The following FRK variants were observed in gnomAD, a reference collection of about 807,000 sequenced individuals.
FRK encodes tyrosine-protein kinase FRK.
A neutral mutation model predicts 56.4 loss-of-function variants in FRK; 51 were observed. The ratio of observed to expected loss-of-function variants is 0.90; its 90% CI spans 0.72 to 1.14. FRK has a LOEUF of 1.14. FRK is among the 50% of genes most tolerant of loss of function. The pLI, the probability that FRK is intolerant of heterozygous loss-of-function variation, is 0.00. For missense variants in FRK, 570 were observed against 601.4 expected, an observed-to-expected ratio of 0.95 and a Z score of 0.55; for synonymous variants, 245 against 217.9, an observed-to-expected ratio of 1.12 and a Z score of -1.10.
chr6:115,943,919 C>T (rs1041619796), intron 6 of FRK, among the ~76,000 whole-genome samples: 1 of 152,152 alleles, frequency 6.6e-6, no homozygotes, highest in African/African-American at 2.4e-5. Context: ...TAGGTTAACA[C>T]TGCACAAAGT....
chr6:116,021,111 T>TATAATTTA, intron 1 of FRK, among the ~76,000 whole-genome samples: 1 of 152,092 alleles, frequency 6.6e-6, no homozygotes, highest in Non-Finnish European at 1.5e-5. Context: ...ATAAATGTTT[T>TATAATTTA]AAATGCTGAG....
rs752935785 is a variant in FRK, at chr6:116,038,137, T to G, written c.344+21831A>C. ...AATGGGAGCCAGGTAAGGAAGTAGC[T>G]AGAGGAGGTTTCTGGCCAACATTCA... On this transcript the variant is annotated intron_variant, in intron 1 of 7. Coordinates refer to ENST00000606080, the MANE Select transcript of FRK (RefSeq NM_002031.3). Among the ~76,000 whole-genome samples, 8 of 152,176 alleles carry G rather than the reference T, an allele frequency of 5.3e-5. 1 individual carries two copies. The highest frequency in any genetic ancestry group is 1.3e-4 in the Admixed American group (2 of 15,270).
rs992726539 is a variant in FRK at position 115,940,186 on chromosome 6, A to C, written c.*2228T>G. 1 of 152,156 alleles carries C rather than the reference A, an allele frequency of 6.6e-6. No individual in the cohort carries two copies. Among genetic ancestry groups the C allele is most frequent in the African/African-American group, 2.4e-5 (1 of 41,436 alleles). 9.4% of individuals were successfully genotyped at this position (152,156 alleles called of 1,614,324 possible). On this transcript the variant is annotated 3_prime_UTR_variant, in exon 8 of 8. Transcript: ENST00000606080. Reference sequence around the variant, plus strand: ...TCAGAAATAACACCACACATCTACAACCATCTGATCTTTGACAAACCTTAC... The same window carrying C: ...TCAGAAATAACACCACACATCTACACCCATCTGATCTTTGACAAACCTTAC...
intron 1 of FRK, among the ~76,000 whole-genome samples, chr6:116,041,718 G>A (rs1776722264): frequency 6.6e-6 from 1 of 152,190 alleles, no homozygotes; most frequent in Non-Finnish European, 1.5e-5. Flanking sequence ...CTCCAGCCCA[G>A]ATACTACTCT....
intron 1 of FRK, among the ~76,000 whole-genome samples, chr6:116,024,338 A>G (rs12207151): frequency 0.38 from 58,080 of 151,122 alleles, 11,505 homozygotes; most frequent in Middle Eastern, 0.5. Context: ...ATATGTATAC[A>G]TGTGACATGC....
chr6:116,050,924 G>A (rs1306484912), intron 1 of FRK, among the ~76,000 whole-genome samples: 1 of 152,148 alleles, frequency 6.6e-6, no homozygotes, highest in African/African-American at 2.4e-5. Flanking sequence ...TGACTTTGCA[G>A]GCAGTACAAT....
chr6:115,976,537 T>A (rs1773997829), intron 2 of FRK, among the ~76,000 whole-genome samples: 1 of 152,148 alleles, frequency 6.6e-6, no homozygotes, highest in African/African-American at 2.4e-5. Flanking sequence ...TTGTGCAGAT[T>A]TTTGTTTTTC....
intron 2 of FRK, among the ~76,000 whole-genome samples, chr6:115,985,803 C>T (rs974417600): frequency 6.6e-6 from 1 of 151,626 alleles, no homozygotes; most frequent in Non-Finnish European, 1.5e-5. Flanking sequence ...CTGAGGCTCA[C>T]GCAGTGGATG....
At chr6:116,062,619 A>G (rs1392812601), upstream of FRK, among the ~76,000 whole-genome samples, 7 of 152,326 alleles carry the variant, frequency 4.6e-5, no homozygotes, top group East Asian at 1.4e-3. Context: ...ATTCTGGAAA[A>G]AGACAAAGCA....
intron 1 of FRK, among the ~76,000 whole-genome samples, chr6:116,032,229 A>G (rs1475780738): frequency 6.6e-6 from 1 of 152,126 alleles, no homozygotes; most frequent in Non-Finnish European, 1.5e-5. Flanking sequence ...TATTATAGAA[A>G]TATTTTTAAA....
At chr6:116,058,648 C>T (rs1002008943) in intron 1 of FRK, among the ~76,000 whole-genome samples, 1 of 152,028 alleles carries the variant, frequency 6.6e-6, no homozygotes, top group East Asian at 1.9e-4. Flanking sequence ...CGGTGGCTCA[C>T]GCCTGTAATC....
At chr6:115,999,922 T>A (rs1266597319) in intron 2 of FRK, among the ~76,000 whole-genome samples, 1 of 152,194 alleles carries the variant, frequency 6.6e-6, no homozygotes, top group Non-Finnish European at 1.5e-5. Context: ...TACATAGCAA[T>A]CAGATAATTT....
At chr6:116,024,129 C>T (rs1479323683) in intron 1 of FRK, among the ~76,000 whole-genome samples, 1 of 151,490 alleles carries the variant, frequency 6.6e-6, no homozygotes, top group Non-Finnish European at 1.5e-5. Flanking sequence ...ATATAACTTT[C>T]CTGGCTCCTG....
chr6:116,015,985 T>C (rs1189820037), intron 1 of FRK, among the ~76,000 whole-genome samples: 3 of 152,144 alleles, frequency 2.0e-5, no homozygotes, highest in Non-Finnish European at 4.4e-5. Flanking sequence ...CCTGATCATG[T>C]GGTAGAAAAG....
At chr6:116,026,304 C>T (rs757589651) in intron 1 of FRK, among the ~76,000 whole-genome samples, 8 of 152,248 alleles carry the variant, frequency 5.3e-5, no homozygotes, top group Non-Finnish European at 1.0e-4. Context: ...TATTCATTTA[C>T]ATAGTTTTGA....
intron 1 of FRK, chr6:116,038,830 C>G (rs534800136): frequency 1.9e-6 from 1 of 519,994 alleles, no homozygotes; most frequent in African/African-American, 1.9e-5. Flanking sequence ...GGGAGCTCAT[C>G]CGCACTCTGA....
chr6:116,008,826 T>C (rs1228243348), intron 1 of FRK, among the ~76,000 whole-genome samples: 1 of 152,104 alleles, frequency 6.6e-6, no homozygotes, highest in Non-Finnish European at 1.5e-5. Flanking sequence ...CCTAGGAGTA[T>C]AAAGCATCAC....
rs485699 is a variant in FRK, at chr6:115,937,894, T to C, written c.*4520A>G. The stretch of plus-strand genomic sequence containing the variant: ...ATAATAGTGGGAAATTTTAACAGCC[T>C]GCTGTCAATATTAGACAGATAAATG... On this transcript the variant is annotated 3_prime_UTR_variant, in exon 8 of 8. Transcript: ENST00000606080. The C allele has an allele frequency of 0.97, 147,414 of 152,296 alleles. 71,534 individuals carry two copies. Among genetic ancestry groups the C allele is most frequent in the East Asian group, 1 (5,188 of 5,188 alleles). 9.4% of individuals were successfully genotyped at this position (152,296 alleles called of 1,614,324 possible).
chr6:116,004,209 G>T (rs545141267), intron 1 of FRK, among the ~76,000 whole-genome samples: 1 of 152,170 alleles, frequency 6.6e-6, no homozygotes, highest in East Asian at 1.9e-4. Context: ...TACCTACAAA[G>T]CAGGAATTTG....
Sources: gnomAD v4.1 joint callset for allele counts (sites outside exome capture counted in the v4.1 genomes callset) on GRCh38, gnomAD v4.1.1 for gene constraint, MANE v1.5 for transcripts, NCBI Gene and HGNC (gene_info 2026-07-23, HGNC 2026-07-21) for gene names.